The following DCC variants were observed in gnomAD, a reference collection of about 807,000 sequenced individuals.
The protein encoded by DCC is netrin receptor DCC.
A neutral mutation model predicts 172.5 loss-of-function variants in DCC; 58 were observed. The ratio of observed to expected loss-of-function variants is 0.34; its 90% CI spans 0.27 to 0.42. The LOEUF is 0.42. Among genes scored for constraint, DCC ranks in the 10% least tolerant of loss-of-function variants. The pLI is 1.00. For synonymous variants in DCC, 709 were observed against 644.5 expected, an observed-to-expected ratio of 1.10 and a Z score of -1.52; for missense variants, 1,740 against 1,791.0, an observed-to-expected ratio of 0.97 and a Z score of 0.51.
intron 7 of DCC, among the ~76,000 whole-genome samples, chr18:53,066,592 C>A (rs563055452): frequency 1.3e-4 from 20 of 150,904 alleles, no homozygotes; most frequent in Non-Finnish European, 2.4e-4. Context: ...ATATACCTTG[C>A]ATATATGTTA....
intron 1 of DCC, among the ~76,000 whole-genome samples, chr18:52,362,580 T>A (rs1349626831): frequency 6.6e-6 from 1 of 152,030 alleles, no homozygotes. Context: ...ATAGTTTTTA[T>A]TTTTTTTCTC....
intron 12 of DCC, among the ~76,000 whole-genome samples, chr18:53,227,955 C>A (rs1486163708): frequency 6.6e-6 from 1 of 152,062 alleles, no homozygotes; most frequent in Non-Finnish European, 1.5e-5. Flanking sequence ...TCAAGAAATG[C>A]CTTATACTAA....
At chr18:52,765,898 G>A (rs1049818381) in intron 2 of DCC, among the ~76,000 whole-genome samples, 18 of 152,198 alleles carry the variant, frequency 1.2e-4, no homozygotes, top group Non-Finnish European at 5.9e-5. Context: ...CTATGAGATA[G>A]TGTCTATCTT....
At chr18:53,017,598 T>C (rs370186010) in intron 5 of DCC, among the ~76,000 whole-genome samples, 1 of 152,212 alleles carries the variant, frequency 6.6e-6, no homozygotes, top group Non-Finnish European at 1.5e-5. Context: ...ATTCATGATA[T>C]TCAAGGGTTA....
At chr18:52,664,470 C>T (rs796587998) in intron 1 of DCC, among the ~76,000 whole-genome samples, 6 of 99,794 alleles carry the variant, frequency 6.0e-5, no homozygotes, top group South Asian at 3.4e-4. Context: ...TTTTCTTTTT[C>T]TTTTTCTTTT....
chr18:52,876,429 G>A (rs977642830), intron 2 of DCC, among the ~76,000 whole-genome samples: 4 of 152,142 alleles, frequency 2.6e-5, no homozygotes, highest in African/African-American at 9.7e-5. Flanking sequence ...CATATGCATA[G>A]GCATACATTC....
chr18:53,091,847 CTATCAATCTATCTA>C lies in DCC; in HGVS notation c.1261+25685_1261+25698del, dbSNP rs1259649600. ...TCTATCTATCTATCTATCTATCTAT[CTATCAATCTATCTA>C]TATATATATATATATCTACATAAAT... On this transcript the variant is annotated intron_variant, in intron 7 of 28. Transcript: ENST00000442544. Among the ~76,000 whole-genome samples the C allele has an allele frequency of 4.4e-3, 245 of 55,684 alleles. 1 individual carries two copies. Among genetic ancestry groups the C allele is most frequent in the African/African-American group, 0.018 (186 of 10,296 alleles). The allele number at this position is 55,684 out of a possible 152,430, so 36.5% of individuals were successfully genotyped here.
intron 1 of DCC, among the ~76,000 whole-genome samples, chr18:52,602,286 C>T (rs186603727): frequency 3.9e-5 from 6 of 152,038 alleles, no homozygotes; most frequent in Non-Finnish European, 8.8e-5. Flanking sequence ...GAGGCATTCT[C>T]GTAAATATGT....
At chr18:52,762,450 G>A (rs2037176419) in intron 2 of DCC, among the ~76,000 whole-genome samples, 1 of 150,830 alleles carries the variant, frequency 6.6e-6, no homozygotes, top group Admixed American at 6.6e-5. Flanking sequence ...TGCAGTCTGA[G>A]TGACAGAGTG....
At chr18:52,723,310 C>T (rs1268531726) in intron 1 of DCC, among the ~76,000 whole-genome samples, 1 of 152,076 alleles carries the variant, frequency 6.6e-6, no homozygotes, top group Non-Finnish European at 1.5e-5. Flanking sequence ...ATAAATTAGA[C>T]ACAGAATTCA....
rs988129140 is a variant in DCC at position 52,775,530 on chromosome 18, G to A, written c.412+23156G>A. ...AATGGAAGTAGCTCTCAGCCAATGG[G>A]GGAGCCAGAAGGGAGATGGTTTTCC... On this transcript the variant is annotated intron_variant, in intron 2 of 28. Transcript: ENST00000442544. Among the ~76,000 whole-genome samples the A allele has an allele frequency of 2.6e-5, 4 of 152,216 alleles. No individual in the cohort carries two copies. In the East Asian group the frequency reaches 5.8e-4, roughly 22 times the overall value.
At chr18:52,351,761 T>C (rs1200467737) in intron 1 of DCC, among the ~76,000 whole-genome samples, 1 of 152,244 alleles carries the variant, frequency 6.6e-6, no homozygotes, top group Non-Finnish European at 1.5e-5. Context: ...TTATAGATTA[T>C]TTTCTCAATA....
chr18:52,820,040 A>G (rs1218724686), intron 2 of DCC, among the ~76,000 whole-genome samples: 1 of 151,900 alleles, frequency 6.6e-6, no homozygotes, highest in African/African-American at 2.4e-5. Flanking sequence ...CTTTCATATT[A>G]TTTTTTCAAC....
At chr18:53,493,682 A>C (rs1271680611) in intron 26 of DCC, among the ~76,000 whole-genome samples, 1 of 151,956 alleles carries the variant, frequency 6.6e-6, no homozygotes, top group Non-Finnish European at 1.5e-5. Flanking sequence ...TCTGGCTAGC[A>C]GTCTATTTTG....
At chr18:52,671,612 T>A (rs562619664) in intron 1 of DCC, among the ~76,000 whole-genome samples, 45 of 150,662 alleles carry the variant, frequency 3.0e-4, no homozygotes, top group Admixed American at 1.0e-3. Flanking sequence ...TGATCTTGGC[T>A]GACTGCAGCC....
intron 27 of DCC, among the ~76,000 whole-genome samples, chr18:53,521,221 C>T (rs1352361342): frequency 6.6e-6 from 1 of 152,114 alleles, no homozygotes; most frequent in Non-Finnish European, 1.5e-5. Flanking sequence ...ATGTCTTGTA[C>T]ATTTGTTCAA....
chr18:53,048,647 TAC>T (rs2042292987), intron 5 of DCC, among the ~76,000 whole-genome samples: 1 of 150,976 alleles, frequency 6.6e-6, no homozygotes, highest in South Asian at 2.1e-4. Flanking sequence ...GATATATATA[TAC>T]ACATTCTTTT....
rs1599186903 is a variant in DCC, at chr18:53,470,430, C to T, written c.3736+2420C>T. 3.3e-5 allele frequency among the ~76,000 whole-genome samples: 5 copies of T among 152,264 alleles called. No individual in the cohort carries two copies. In the South Asian group the frequency reaches 6.2e-4, roughly 19 times the overall value. The stretch of plus-strand genomic sequence containing the variant: ...TCCAAACTTTCCCACATCTTCCTGT[C>T]TTCTTCTGAGCCCTCCAAATTGTTC... On this transcript the variant is annotated intron_variant, in intron 25 of 28. Coordinates refer to ENST00000442544, the MANE Select transcript of DCC (RefSeq NM_005215.4).
At chr18:53,454,985 T>G (rs2045466115) in intron 23 of DCC, among the ~76,000 whole-genome samples, 1 of 152,234 alleles carries the variant, frequency 6.6e-6, no homozygotes, top group South Asian at 2.1e-4. Context: ...TTTATTTTTA[T>G]TCCACTAACT....
Sources: gnomAD v4.1 joint callset for allele counts (sites outside exome capture counted in the v4.1 genomes callset) on GRCh38, gnomAD v4.1.1 for gene constraint, MANE v1.5 for transcripts, NCBI Gene and HGNC (gene_info 2026-07-23, HGNC 2026-07-21) for gene names.